CACNA1I: variants seen among roughly 807,000 people sequenced by gnomAD.
The protein encoded by CACNA1I is voltage-dependent T-type calcium channel subunit alpha-1I.
In CACNA1I, 74 loss-of-function variants were observed where a neutral mutation model predicts 201.6. The ratio of observed to expected loss-of-function variants is 0.37; its 90% confidence interval spans 0.30 to 0.45. The LOEUF (loss-of-function observed/expected upper bound fraction) is 0.45. Ranked by LOEUF, CACNA1I falls within the 20% of genes least tolerant of loss-of-function variation. CACNA1I has a pLI of 1.00. For synonymous variants in CACNA1I, 1,431 were observed against 1,345.2 expected, an observed-to-expected ratio of 1.06 and a Z score of -1.40; for missense variants, 2,346 against 3,138.1, an observed-to-expected ratio of 0.75 and a Z score of 6.03.
At position 39,647,941 on chromosome 22, in the gene CACNA1I, C is replaced by T. The variant is rs749697008; in HGVS notation, c.1567+15C>T. On this transcript the variant is annotated intron_variant, in intron 9 of 36. Transcript: ENST00000402142. ...CTCGGGAAGAGGCAAGCCAGGGCCA[C>T]GGGAGGTGGGCCCTGCCCCCAGCCC... 1.4e-5 allele frequency: 22 copies of T among 1,608,732 alleles called. No individual in the cohort carries two copies. The highest frequency in any genetic ancestry group is 1.8e-4 in the Middle Eastern group (1 of 5,630).
chr22:39,654,469 G>T (rs1004888332), intron 10 of CACNA1I, among the ~76,000 whole-genome samples: 1 of 149,600 alleles, frequency 6.7e-6, no homozygotes, highest in Non-Finnish European at 1.5e-5. Context: ...CCAGGCCAGG[G>T]CATAGTTACT....
At position 39,684,610 on chromosome 22, in the gene CACNA1I, G is replaced by C; in HGVS notation, c.6027+112G>C. 1 of 1,164,798 alleles carries C rather than the reference G, an allele frequency of 8.6e-7. No individual in the cohort carries two copies. Among genetic ancestry groups the C allele is most frequent in the Non-Finnish European group, 1.2e-6 (1 of 804,872 alleles). The allele number at this position is 1,164,798 out of a possible 1,614,324, so 72.2% of individuals were successfully genotyped here. On this transcript the variant is annotated intron_variant, in intron 36 of 36. Transcript: ENST00000402142. This position sits in a 1 kb window ranked among gnomAD's most constrained non-coding sequence, Gnocchi z 4.6. The stretch of plus-strand genomic sequence containing the variant: ...GGGGAAGGACCCAACCAAAGGCCGA[G>C]GGCACCACCGTGCAAGGGGGTTTGG...
intron 2 of CACNA1I, 130 bp downstream of exon 2, chr22:39,598,392 G>C: frequency 1.7e-6 from 1 of 588,532 alleles, no homozygotes; most frequent in East Asian, 2.9e-5. Context: ...GCCCCGCTCC[G>C]TGCCCTTCCC....
At chr22:39,588,385 CTTTTT>C (rs3044379) in intron 1 of CACNA1I, among the ~76,000 whole-genome samples, 15 of 80,734 alleles carry the variant, frequency 1.9e-4, no homozygotes, top group Non-Finnish European at 3.9e-4. Flanking sequence ...TTCTTTCTTT[CTTTTT>C]TTTTTTTTTT....
At chr22:39,658,482 G>C (rs1934896053) in intron 11 of CACNA1I, among the ~76,000 whole-genome samples, 179 bp downstream of exon 11, 1 of 152,230 alleles carries the variant, frequency 6.6e-6, no homozygotes, top group Non-Finnish European at 1.5e-5. Context: ...TAAACAGCAT[G>C]ATCTAGCAGC....
At chr22:39,671,558 G>A (rs1935378971) in intron 26 of CACNA1I, among the ~76,000 whole-genome samples, 2 of 152,184 alleles carry the variant, frequency 1.3e-5, no homozygotes, top group African/African-American at 4.8e-5. Context: ...TGCAGACCAG[G>A]TATGTGAGGG....
At chr22:39,650,478 C>T (rs1023328995) in intron 10 of CACNA1I, among the ~76,000 whole-genome samples, 2 of 152,166 alleles carry the variant, frequency 1.3e-5, no homozygotes, top group Admixed American at 6.5e-5. Context: ...CCATTCCCCC[C>T]CAAACAGCTG....
chr22:39,583,359 ACCATCTATCCAT>A (rs1285911415), intron 1 of CACNA1I, among the ~76,000 whole-genome samples: 2 of 71,128 alleles, frequency 2.8e-5, no homozygotes, highest in Middle Eastern at 7.8e-3. Flanking sequence ...CAACCATCCA[ACCATCTATCCAT>A]CCATCCATCC....
In CACNA1I at chr22:39,676,154, G is replaced by A. The variant is rs1481545190; in HGVS notation, c.4855-1187G>A. 6.6e-6 allele frequency among the ~76,000 whole-genome samples: 1 copy of A among 152,186 alleles called. No homozygotes were observed. Among genetic ancestry groups the A allele is most frequent in the Non-Finnish European group, 1.5e-5 (1 of 68,042 alleles). ...GGAGGGGACAGATAGAAAAGCTGAC[G>A]GCAATCCTGGTTAAGAGATGCTGCC... On this transcript the variant is annotated intron_variant, in intron 29 of 36. Transcript: ENST00000402142. The surrounding 1 kb of genome is among the most constrained non-coding windows in gnomAD (Gnocchi z 4.8).
intron 1 of CACNA1I, among the ~76,000 whole-genome samples, chr22:39,579,972 C>T (rs1932496673): frequency 6.6e-6 from 1 of 152,182 alleles, no homozygotes; most frequent in Non-Finnish European, 1.5e-5. Flanking sequence ...TTTAAACAAC[C>T]AGCTCTTACA....
intron 3 of CACNA1I, among the ~76,000 whole-genome samples, chr22:39,612,983 T>C (rs1010569878): frequency 1.2e-4 from 19 of 152,214 alleles, no homozygotes; most frequent in Admixed American, 2.6e-4. Context: ...ATCTGTGATT[T>C]CCAGCATCTC....
intron 1 of CACNA1I, among the ~76,000 whole-genome samples, chr22:39,574,046 A>T (rs1438092770): frequency 6.6e-6 from 1 of 152,142 alleles, no homozygotes; most frequent in Admixed American, 6.6e-5. Context: ...AACTGGTGGG[A>T]TACGGACTCT....
At position 39,685,724 on chromosome 22, in the gene CACNA1I, G is replaced by A; in HGVS notation, c.6028-37G>A. Reference sequence around the variant, plus strand: ...CGTCCAGGTTGCTGGGGTGGGGGCCGACACAGGCGGCCTCCACGGCTCCCA... The same window carrying A: ...CGTCCAGGTTGCTGGGGTGGGGGCCAACACAGGCGGCCTCCACGGCTCCCA... On this transcript the variant is annotated intron_variant, in intron 36 of 36. Transcript: ENST00000402142. This position sits in a 1 kb window ranked among gnomAD's most constrained non-coding sequence, Gnocchi z 5.0. The A allele has an allele frequency of 1.4e-6, 2 of 1,416,146 alleles. No individual in the cohort carries two copies. The highest frequency in any genetic ancestry group is 3.0e-5 in the Admixed American group (1 of 33,196). The allele number at this position is 1,416,146 out of a possible 1,614,324, so 87.7% of individuals were successfully genotyped here.
Position 39,634,556 on chromosome 22 carries a change from C to G in CACNA1I, c.581-9C>G, listed in dbSNP as rs779618291. The G allele has an allele frequency of 1.2e-6, 2 of 1,613,668 alleles. No individual in the cohort carries two copies. The highest frequency in any genetic ancestry group is 1.7e-6 in the Non-Finnish European group (2 of 1,179,788). ...TGTCTGACCATCCCTCCACCTTTTC[C>G]CCTCCCAGGTATGCGGATCCTGGTG... On this transcript the variant is annotated splice_polypyrimidine_tract_variant and intron_variant, in intron 4 of 36. Transcript: ENST00000402142.
At chr22:39,573,859 C>T (rs1030480106) in intron 1 of CACNA1I, among the ~76,000 whole-genome samples, 1 of 152,130 alleles carries the variant, frequency 6.6e-6, no homozygotes, top group Non-Finnish European at 1.5e-5. Context: ...CTGGGCCTGC[C>T]TCTTGTCTGT....
chr22:39,622,348 C>T, intron 4 of CACNA1I, among the ~76,000 whole-genome samples: 1 of 149,634 alleles, frequency 6.7e-6, no homozygotes, highest in Non-Finnish European at 1.5e-5. Context: ...GAGTTGAGAC[C>T]CAGGGGAGGA....
chr22:39,670,631 G>A (rs1310778669), intron 25 of CACNA1I, among the ~76,000 whole-genome samples, 172 bp from the exon 26 acceptor site: 3 of 152,014 alleles, frequency 2.0e-5, no homozygotes, highest in Non-Finnish European at 4.4e-5. Context: ...TTCTCTCATG[G>A]TGCTTTGGCT....
intron 10 of CACNA1I, among the ~76,000 whole-genome samples, chr22:39,657,163 C>T (rs966484704): frequency 2.6e-5 from 4 of 152,222 alleles, no homozygotes; most frequent in African/African-American, 7.2e-5. Context: ...TGCCCCCAGT[C>T]GTGGCCTCTA....
At chr22:39,597,682 ATC>A (rs1932922152) in intron 1 of CACNA1I, among the ~76,000 whole-genome samples, 1 of 152,200 alleles carries the variant, frequency 6.6e-6, no homozygotes, top group Non-Finnish European at 1.5e-5. Context: ...CATCCAGCCA[ATC>A]TCAGCCCCAC....
Sources: allele counts gnomAD v4.1 joint callset (sites outside exome capture counted in the v4.1 genomes callset), GRCh38; gene constraint gnomAD v4.1.1; non-coding constraint Gnocchi (gnomAD v3.1); transcripts MANE v1.5; gene names NCBI Gene and HGNC (gene_info 2026-07-23, HGNC 2026-07-21).